FLVCR1: variants seen among roughly 807,000 people sequenced by gnomAD.
FLVCR1 encodes choline/ethanolamine transporter FLVCR1.
A neutral mutation model predicts 53.6 loss-of-function variants in FLVCR1; 34 were observed. The observed-to-expected ratio is 0.63, with a 90% CI of 0.48 to 0.84. FLVCR1 has a LOEUF of 0.84. FLVCR1 is among the 40% of genes least tolerant of loss of function. The probability of loss-of-function intolerance (pLI) is 0.00; values close to 1 mark genes in which losing one functional copy is unlikely to be tolerated. For synonymous variants in FLVCR1, 300 were observed against 286.3 expected (o/e 1.05, Z -0.48); for missense variants, 677 against 696.7 (o/e 0.97, Z 0.32).
intron 3 of FLVCR1, among the ~76,000 whole-genome samples, chr1:212,876,257 G>A (rs1038880643): frequency 1.1e-4 from 16 of 151,824 alleles, no homozygotes; most frequent in African/African-American, 3.1e-4. Flanking sequence ...TCATCATTCC[G>A]CTCCCACTTA....
intron 2 of FLVCR1, among the ~76,000 whole-genome samples, chr1:212,871,611 C>A (rs41296728): frequency 6.6e-6 from 1 of 152,142 alleles, no homozygotes; most frequent in South Asian, 2.1e-4. Flanking sequence ...TAGAGACAGT[C>A]TTGTACAAGT....
chr1:212,879,666 A>G (rs1480377038), intron 3 of FLVCR1, among the ~76,000 whole-genome samples: 1 of 152,090 alleles, frequency 6.6e-6, no homozygotes, highest in Non-Finnish European at 1.5e-5. Flanking sequence ...AGCAATTCTT[A>G]TGCCTCTGGC....
chr1:212,876,106 C>T (rs1011321936), intron 3 of FLVCR1, among the ~76,000 whole-genome samples: 2 of 151,850 alleles, frequency 1.3e-5, no homozygotes, highest in African/African-American at 4.8e-5. Context: ...AGGTTGGTCT[C>T]GAATTCCTGA....
intron 1 of FLVCR1, among the ~76,000 whole-genome samples, chr1:212,861,221 C>G (rs770353071): frequency 6.6e-6 from 1 of 152,192 alleles, no homozygotes; most frequent in Non-Finnish European, 1.5e-5. Flanking sequence ...AGAACTATGC[C>G]TACTTATAGT....
intron 8 of FLVCR1, among the ~76,000 whole-genome samples, chr1:212,889,772 AAG>A (rs1491237020): frequency 6.6e-6 from 1 of 151,544 alleles, no homozygotes; most frequent in African/African-American, 2.4e-5. Flanking sequence ...AAAAAAAAAA[AAG>A]AGTAGTAAAG....
Position 212,858,478 on chromosome 1 carries a change from GGGC to G in FLVCR1, c.32_34del (p.Ala11del). The G allele has an allele frequency of 1.7e-5, 25 of 1,443,146 alleles. No individual in the cohort carries two copies. The South Asian group carries it at 3.7e-4, about 21-fold the overall frequency. 89.4% of individuals were successfully genotyped at this position (1,443,146 alleles called of 1,614,324 possible). A position where few individuals can be genotyped will look rare whatever the true frequency, so the allele number is the denominator to read the frequency against. On this transcript the variant is annotated inframe_deletion, in exon 1 of 10. Coordinates refer to ENST00000366971, the MANE Select transcript of FLVCR1 (RefSeq NM_014053.4). ...ATGGCGCGGCCAGACGATGAGGAGG[GGGC>G]GGCGGTGGCGCCCGGACACCCGCTC...
chr1:212,874,032 A>G (rs2102552906), intron 3 of FLVCR1, among the ~76,000 whole-genome samples: 1 of 151,968 alleles, frequency 6.6e-6, no homozygotes, highest in South Asian at 2.1e-4. Flanking sequence ...TTTAAGACGG[A>G]GTTTTGCTCT....
chr1:212,891,682 T>C (rs1399397573), intron 8 of FLVCR1, among the ~76,000 whole-genome samples: 2 of 152,138 alleles, frequency 1.3e-5, no homozygotes, highest in Non-Finnish European at 2.9e-5. Flanking sequence ...CCCCAAATTA[T>C]TACCCCTACA....
chr1:212,888,118 T>C (rs2291771), intron 6 of FLVCR1, 117 bp downstream of exon 6: 159,990 of 689,852 alleles, frequency 0.23, 21,792 homozygotes, highest in Admixed American at 0.46. Flanking sequence ...TTTTAAACTT[T>C]AAAGGATTCA....
intron 8 of FLVCR1, among the ~76,000 whole-genome samples, chr1:212,893,065 T>TTG (rs376805847): frequency 0.17 from 23,561 of 140,774 alleles, 2,332 homozygotes; most frequent in East Asian, 0.28. Context: ...TCTTTTTTTT[T>TTG]GGGGGGGGGT....
Position 212,897,280 on chromosome 1 carries a change from T to A in FLVCR1, c.*1990T>A, listed in dbSNP as rs1665366871. On this transcript the variant is annotated 3_prime_UTR_variant, in exon 10 of 10. Transcript: ENST00000366971. ...ACTTTGGGAGGCTGAGGTGGGTGGATCATTTGAGGCCAGGAGTTGAAGACC... is the reference window on the plus strand; with the variant it reads ...ACTTTGGGAGGCTGAGGTGGGTGGAACATTTGAGGCCAGGAGTTGAAGACC... 1 of 152,230 alleles carries A rather than the reference T, an allele frequency of 6.6e-6. No homozygotes were observed. The highest frequency in any genetic ancestry group is 1.5e-5 in the Non-Finnish European group (1 of 68,262). The allele number at this position is 152,230 out of a possible 1,614,324, so 9.4% of individuals were successfully genotyped here.
intron 8 of FLVCR1, among the ~76,000 whole-genome samples, chr1:212,894,310 C>T (rs111493739): frequency 9.2e-5 from 14 of 152,154 alleles, no homozygotes; most frequent in African/African-American, 2.2e-4. Context: ...CGTGCCGCCA[C>T]GCCTGGCTAA....
At chr1:212,889,457 G>A (rs2102570535) in intron 8 of FLVCR1, among the ~76,000 whole-genome samples, 200 bp downstream of exon 8, 1 of 152,290 alleles carries the variant, frequency 6.6e-6, no homozygotes, top group East Asian at 1.9e-4. Flanking sequence ...TGCATAGCAA[G>A]CAAAACTGTT....
At chr1:212,870,071 G>GA (rs1664554637) in intron 2 of FLVCR1, 1 of 152,168 alleles carries the variant, frequency 6.6e-6, no homozygotes, top group African/African-American at 2.4e-5. Context: ...AGAGACTCAG[G>GA]AAAAGACAAC....
At chr1:212,863,101 GTCA>G (rs1268560956) in intron 1 of FLVCR1, among the ~76,000 whole-genome samples, 1 of 152,116 alleles carries the variant, frequency 6.6e-6, no homozygotes, top group Non-Finnish European at 1.5e-5. Context: ...GATTCTGTAG[GTCA>G]TCTTTTGTCA....
intron 3 of FLVCR1, among the ~76,000 whole-genome samples, chr1:212,882,769 T>C (rs1218463196): frequency 2.0e-5 from 3 of 149,156 alleles, no homozygotes; most frequent in African/African-American, 4.9e-5. Flanking sequence ...GTTGTTTTTA[T>C]TGTTCACTTC....
At chr1:212,871,212 A>G (rs1163521622) in intron 2 of FLVCR1, among the ~76,000 whole-genome samples, 2 of 152,178 alleles carry the variant, frequency 1.3e-5, no homozygotes, top group African/African-American at 4.8e-5. Flanking sequence ...AAAACCTTCT[A>G]TTGATACCTG....
chr1:212,890,489 A>G (rs1286463878), intron 8 of FLVCR1, among the ~76,000 whole-genome samples: 1 of 152,140 alleles, frequency 6.6e-6, no homozygotes, highest in Non-Finnish European at 1.5e-5. Flanking sequence ...AAAATCTCAT[A>G]ATGTTTTTTA....
chr1:212,858,969 C>T lies in FLVCR1; in HGVS notation c.517C>T (p.Leu173=). The T allele has an allele frequency of 6.2e-7, 1 of 1,614,146 alleles. No individual in the cohort carries two copies. Among genetic ancestry groups the T allele is most frequent in the African/African-American group, 1.3e-5 (1 of 75,072 alleles). ...CACCTGGCTGCTGGACACCAGAGGC[C>T]TGCGGCTCACCGCCCTGCTGGGCTC... ...PATWLLDTRG[L]RLTALLGSGL... The change falls in exon 1 of 10, where the codon CTG becomes TTG. Residue 173 remains leucine, a synonymous_variant. Transcript: ENST00000366971.
Sources: gnomAD v4.1 joint callset for allele counts (sites outside exome capture counted in the v4.1 genomes callset) on GRCh38, gnomAD v4.1.1 for gene constraint, MANE v1.5 for transcripts, NCBI Gene and HGNC (gene_info 2026-07-23, HGNC 2026-07-21) for gene names.